The following BABAM2 variants were observed in gnomAD, a reference collection of about 807,000 sequenced individuals.
The protein encoded by BABAM2 is BRISC and BRCA1 A complex member 2, also known as BRISC and BRCA1-A complex member 2.
A neutral mutation model predicts 54.7 loss-of-function variants in BABAM2; 31 were observed. That is an observed-to-expected ratio of 0.57 (90% CI 0.43 to 0.77). The LOEUF (loss-of-function observed/expected upper bound fraction) is 0.77. Among genes scored for constraint, BABAM2 ranks in the 30% least tolerant of loss-of-function variants. BABAM2 has a pLI of 0.00. For synonymous variants in BABAM2, 167 were observed against 162.9 expected (o/e 1.03, Z -0.19); for missense variants, 364 against 455.8 (o/e 0.80, Z 1.83).
intron 2 of BABAM2, among the ~76,000 whole-genome samples, chr2:27,919,266 T>A (rs1667191847): frequency 6.6e-6 from 1 of 152,196 alleles, no homozygotes; most frequent in African/African-American, 2.4e-5. Context: ...ATATGAACAT[T>A]TACAAAATTT....
At chr2:28,110,252 T>C (rs1432463453) in intron 6 of BABAM2, among the ~76,000 whole-genome samples, 3 of 152,192 alleles carry the variant, frequency 2.0e-5, no homozygotes, top group Non-Finnish European at 2.9e-5. Flanking sequence ...ATATATACCA[T>C]GTTTTGCTTT....
chr2:27,908,398 G>A (rs2148297001), intron 2 of BABAM2, among the ~76,000 whole-genome samples: 1 of 152,052 alleles, frequency 6.6e-6, no homozygotes, highest in Admixed American at 6.6e-5. Flanking sequence ...CAAGTCTCCT[G>A]AGTAGCTGGG....
chr2:28,221,380 C>T (rs954059640), intron 7 of BABAM2, among the ~76,000 whole-genome samples: 21 of 152,134 alleles, frequency 1.4e-4, no homozygotes, highest in African/African-American at 4.8e-4. Flanking sequence ...CTGAGAAACA[C>T]GAAGTACGTC....
At chr2:28,057,225 A>G (rs1285639435) in intron 6 of BABAM2, among the ~76,000 whole-genome samples, 2 of 152,116 alleles carry the variant, frequency 1.3e-5, no homozygotes, top group African/African-American at 4.8e-5. Context: ...GTTTATTAAG[A>G]CTCTAAGCAT....
At chr2:28,159,534 G>T (rs1345596167) in intron 7 of BABAM2, among the ~76,000 whole-genome samples, 1 of 152,178 alleles carries the variant, frequency 6.6e-6, no homozygotes, top group African/African-American at 2.4e-5. Context: ...ATGCAAGAGG[G>T]TGCCTGGCAT....
chr2:28,251,049 T>C (rs1264364149), intron 10 of BABAM2, among the ~76,000 whole-genome samples: 3 of 152,226 alleles, frequency 2.0e-5, no homozygotes, highest in African/African-American at 7.2e-5. Flanking sequence ...TTATTCAGTC[T>C]AATGAATGAT....
chr2:28,001,752 G>C (rs1673593140), intron 4 of BABAM2, among the ~76,000 whole-genome samples: 1 of 152,090 alleles, frequency 6.6e-6, no homozygotes, highest in Non-Finnish European at 1.5e-5. Context: ...GAGCAAGAGA[G>C]AGAGGAGGGG....
chr2:28,080,819 T>A (rs1665097063), intron 6 of BABAM2, among the ~76,000 whole-genome samples: 1 of 152,202 alleles, frequency 6.6e-6, no homozygotes, highest in African/African-American at 2.4e-5. Flanking sequence ...AGTAAACATT[T>A]GTCAGGATAT....
chr2:28,080,983 C>A (rs1477352016), intron 6 of BABAM2, among the ~76,000 whole-genome samples: 1 of 152,118 alleles, frequency 6.6e-6, no homozygotes, highest in African/African-American at 2.4e-5. Context: ...CCATAAAAGG[C>A]AATGTATCAT....
chr2:28,316,077 A>T (rs1689528150), intron 11 of BABAM2, among the ~76,000 whole-genome samples: 1 of 152,194 alleles, frequency 6.6e-6, no homozygotes. Context: ...TTACACTTAA[A>T]TTTCAAATAA....
At chr2:28,106,980 T>C (rs976793205) in intron 6 of BABAM2, among the ~76,000 whole-genome samples, 1 of 152,220 alleles carries the variant, frequency 6.6e-6, no homozygotes, top group African/African-American at 2.4e-5. Context: ...CATTCTGTTT[T>C]TCTCTTTATG....
Position 28,200,275 on chromosome 2 carries a change from C to T in BABAM2, c.681-36927C>T, listed in dbSNP as rs1414028890. On this transcript the variant is annotated intron_variant, in intron 7 of 11. Transcript: ENST00000379624. ...TATTCATTTTTCACTGATCATCATT[C>T]ACCATTTCCATCTCACTGAGTCCAA... 2.6e-5 allele frequency among the ~76,000 whole-genome samples: 4 copies of T among 152,232 alleles called. No homozygotes were observed. In the East Asian group the frequency reaches 7.7e-4, roughly 29 times the overall value.
chr2:28,178,569 A>G (rs1675267951), intron 7 of BABAM2, among the ~76,000 whole-genome samples: 1 of 152,088 alleles, frequency 6.6e-6, no homozygotes, highest in Non-Finnish European at 1.5e-5. Flanking sequence ...CAAATAAACA[A>G]TCTAATGATG....
At chr2:28,135,230 G>A (rs911632038) in intron 7 of BABAM2, among the ~76,000 whole-genome samples, 3 of 152,134 alleles carry the variant, frequency 2.0e-5, no homozygotes. Context: ...GATTAAATAT[G>A]CAATACTGTA....
chr2:28,187,439 TTTCCACATACAG>T (rs2147906676), intron 7 of BABAM2, among the ~76,000 whole-genome samples: 1 of 152,268 alleles, frequency 6.6e-6, no homozygotes, highest in African/African-American at 2.4e-5. Context: ...TGTATAGCTC[TTTCCACATACAG>T]TTCCCCCAAC....
chr2:28,187,559 T>C (rs1676447746), intron 7 of BABAM2, among the ~76,000 whole-genome samples: 1 of 152,000 alleles, frequency 6.6e-6, no homozygotes, highest in African/African-American at 2.4e-5. Flanking sequence ...CTATCTGAAA[T>C]CTTAAAAAAC....
intron 6 of BABAM2, among the ~76,000 whole-genome samples, chr2:28,057,871 C>A (rs994100193): frequency 6.6e-6 from 1 of 152,124 alleles, no homozygotes; most frequent in Admixed American, 6.5e-5. Context: ...AGGCCAGGCA[C>A]GGTGGCTCAC....
At chr2:28,257,484 A>G (rs577177638) in intron 10 of BABAM2, among the ~76,000 whole-genome samples, 7 of 152,224 alleles carry the variant, frequency 4.6e-5, no homozygotes, top group African/African-American at 9.6e-5. Flanking sequence ...GTGTGTGTCA[A>G]TGTTTTGTTC....
At chr2:28,120,688 C>G (rs1367329275) in intron 6 of BABAM2, among the ~76,000 whole-genome samples, 1 of 152,206 alleles carries the variant, frequency 6.6e-6, no homozygotes, top group Non-Finnish European at 1.5e-5. Flanking sequence ...AAGGAGATCT[C>G]TACCCTGCCC....
Sources: gnomAD v4.1 joint callset for allele counts (sites outside exome capture counted in the v4.1 genomes callset) on GRCh38, gnomAD v4.1.1 for gene constraint, MANE v1.5 for transcripts, NCBI Gene and HGNC (gene_info 2026-07-23, HGNC 2026-07-21) for gene names.